The following STAG1 variants were observed in gnomAD, a reference collection of about 807,000 sequenced individuals.
The protein encoded by STAG1 is cohesin subunit SA-1.
In STAG1, 26 loss-of-function variants were observed where a neutral mutation model predicts 170.9. The observed-to-expected ratio is 0.15, with a 90% confidence interval of 0.11 to 0.21. STAG1 has a LOEUF of 0.21. Ranked by LOEUF, STAG1 falls within the 10% of genes least tolerant of loss-of-function variation. STAG1 has a pLI of 1.00. For missense variants in STAG1, 964 were observed against 1,509.5 expected, an observed-to-expected ratio of 0.64 and a Z score of 5.99; for synonymous variants, 514 against 497.7, an observed-to-expected ratio of 1.03 and a Z score of -0.44.
chr3:136,648,931 C>A (rs902898234), intron 1 of STAG1, among the ~76,000 whole-genome samples: 4 of 152,178 alleles, frequency 2.6e-5, no homozygotes, highest in Non-Finnish European at 5.9e-5. Context: ...TATTTAAAAT[C>A]TTTCAAATAA....
intron 5 of STAG1, among the ~76,000 whole-genome samples, chr3:136,560,485 A>T (rs1172024979): frequency 6.6e-6 from 1 of 152,214 alleles, no homozygotes; most frequent in East Asian, 1.9e-4. Flanking sequence ...TTCTCTCATA[A>T]CTTATTCCAA....
In STAG1 at chr3:136,343,234, G is replaced by A. The variant is rs183789102; in HGVS notation, c.3446+598C>T. ...AATAAGATTTTTATAAGCAAAACAC[G>A]CCATCACCCTCTGCCTTCTCTACAA... On this transcript the variant is annotated intron_variant, in intron 30 of 33. Coordinates refer to ENST00000383202, the MANE Select transcript of STAG1 (RefSeq NM_005862.3). Among the ~76,000 whole-genome samples the A allele has an allele frequency of 6.1e-3, 930 of 152,204 alleles. 12 individuals carry two copies. The highest frequency in any genetic ancestry group is 9.4e-3 in the Admixed American group (143 of 15,294).
intron 3 of STAG1, among the ~76,000 whole-genome samples, chr3:136,609,897 A>G (rs1405781332): frequency 1.3e-5 from 2 of 152,162 alleles, no homozygotes; most frequent in Non-Finnish European, 2.9e-5. Context: ...GATGGGGGTT[A>G]CTTTTCATAT....
chr3:136,715,004 A>ATT lies in STAG1; in HGVS notation c.-84+37190_-84+37191insAA, dbSNP rs1943498414. 4.0e-5 allele frequency among the ~76,000 whole-genome samples: 5 copies of ATT among 125,756 alleles called. No individual in the cohort carries two copies. The Admixed American group carries it at 4.4e-4, about 11-fold the overall frequency. 82.5% of individuals were successfully genotyped at this position (125,756 alleles called of 152,430 possible). ...TTTATATATATATTTTATATATATA[A>ATT]TATATATATAAAATATATATATAAA... On this transcript the variant is annotated intron_variant, in intron 1 of 33. Transcript: ENST00000383202.
At chr3:136,553,796 G>C (rs1024985462) in intron 5 of STAG1, among the ~76,000 whole-genome samples, 4 of 152,138 alleles carry the variant, frequency 2.6e-5, no homozygotes, top group African/African-American at 9.7e-5. Flanking sequence ...CAAAGAAGTA[G>C]AGAAAAGAAA....
chr3:136,387,320 T>C (rs960206432), intron 22 of STAG1, among the ~76,000 whole-genome samples: 3 of 152,206 alleles, frequency 2.0e-5, no homozygotes, highest in African/African-American at 7.2e-5. Context: ...CAGGTCAGAT[T>C]TGGCCCATGG....
chr3:136,548,919 C>T (rs1266142615), intron 5 of STAG1, among the ~76,000 whole-genome samples: 2 of 152,102 alleles, frequency 1.3e-5, no homozygotes, highest in Non-Finnish European at 2.9e-5. Context: ...AGTACCTCTC[C>T]TCCCTCTCTT....
chr3:136,452,062 T>A lies in STAG1; in HGVS notation c.1399A>T (p.Met467Leu). 1 of 1,612,638 alleles carries A rather than the reference T, an allele frequency of 6.2e-7. No individual in the cohort carries two copies. The highest frequency in any genetic ancestry group is 8.5e-7 in the Non-Finnish European group (1 of 1,179,290). Residue 467 changes from methionine to leucine, a missense_variant, in exon 14 of 34, where the codon ATG becomes TTG. Physicochemically the swap from Met to Leu is conservative, Grantham distance 15. Coordinates refer to ENST00000383202, the MANE Select transcript of STAG1 (RefSeq NM_005862.3). ...CTTTCAAGAAAGAAAAGAACCAGCA[T>A]CCTAATGAGGTTTCCATTCGGGCTG... is the stretch of plus-strand genomic sequence containing the variant. ...RNSPNGNLIR[M>L]LVLFFLESEL...
intron 1 of STAG1, among the ~76,000 whole-genome samples, chr3:136,714,963 ATTTTATATATATAT>A (rs1336934498): frequency 1.3e-4 from 8 of 61,716 alleles, no homozygotes; most frequent in South Asian, 5.0e-4. Flanking sequence ...ATATATATAT[ATTTTATATATATAT>A]TTTTATATAT....
Position 136,664,400 on chromosome 3 carries a change from A to T in STAG1, c.-83-33419T>A, listed in dbSNP as rs111518304. On this transcript the variant is annotated intron_variant, in intron 1 of 33. Transcript: ENST00000383202. ...TCTTGAGGTAGATGTTGAGACCTAA[A>T]AGTAAACAAGGGCAGCTCTTCAGAC... Among the ~76,000 whole-genome samples, 5 of 152,332 alleles carry T rather than the reference A, an allele frequency of 3.3e-5. 1 individual carries two copies. The highest frequency in any genetic ancestry group is 1.2e-4 in the African/African-American group (5 of 41,580).
At chr3:136,732,237 TAAAA>T (rs71134406) in intron 1 of STAG1, among the ~76,000 whole-genome samples, 3 of 85,758 alleles carry the variant, frequency 3.5e-5, no homozygotes, top group Non-Finnish European at 2.4e-5. Flanking sequence ...TATCCACAAC[TAAAA>T]AAAAAAAAAA....
chr3:136,396,813 AC>A (rs1274480217), intron 22 of STAG1, among the ~76,000 whole-genome samples: 3 of 152,162 alleles, frequency 2.0e-5, no homozygotes, highest in Non-Finnish European at 2.9e-5. Context: ...GGCGCGAGCC[AC>A]CGCACCAGGC....
intron 6 of STAG1, among the ~76,000 whole-genome samples, chr3:136,527,895 C>G (rs1362079280): frequency 6.6e-6 from 1 of 152,160 alleles, no homozygotes; most frequent in South Asian, 2.1e-4. Context: ...TGCTGCAGAA[C>G]AGTGAATATT....
rs559789027 is a variant in STAG1 at position 136,653,408 on chromosome 3, G to A, written c.-83-22427C>T. 5.8e-4 allele frequency among the ~76,000 whole-genome samples: 88 copies of A among 152,292 alleles called. 1 individual carries two copies. Among genetic ancestry groups the A allele is most frequent in the African/African-American group, 2.0e-3 (84 of 41,566 alleles). ...AATAGACAGCCATTACATTCTCTTGGATGGGGCAACTTAACTTAATTTCTC... is the reference window on the plus strand; with the variant it reads ...AATAGACAGCCATTACATTCTCTTGAATGGGGCAACTTAACTTAATTTCTC... On this transcript the variant is annotated intron_variant, in intron 1 of 33. Coordinates refer to ENST00000383202, the MANE Select transcript of STAG1 (RefSeq NM_005862.3).
At chr3:136,531,748 T>G (rs1576575993) in intron 6 of STAG1, among the ~76,000 whole-genome samples, 2 of 96,098 alleles carry the variant, frequency 2.1e-5, no homozygotes, top group Admixed American at 1.3e-4. Flanking sequence ...TATCACACTC[T>G]GGGGACTGTT....
At chr3:136,426,393 T>C (rs976728652) in intron 16 of STAG1, among the ~76,000 whole-genome samples, 3 of 151,766 alleles carry the variant, frequency 2.0e-5, no homozygotes, top group Non-Finnish European at 4.4e-5. Flanking sequence ...GCCTGGGCAA[T>C]AGCGAGACTC....
At chr3:136,386,462 C>T (rs1390940573) in intron 22 of STAG1, among the ~76,000 whole-genome samples, 1 of 152,092 alleles carries the variant, frequency 6.6e-6, no homozygotes, top group Non-Finnish European at 1.5e-5. Context: ...TAGAAAGAAG[C>T]TTTCCTAAAG....
rs1405318746 is a variant in STAG1 at position 136,337,067 on chromosome 3, T to C, written c.*1187A>G. The stretch of plus-strand genomic sequence containing the variant: ...GACTGTCCTGAAGATTCATAATTTC[T>C]TTCCCCAAAAGAATTATTCTTAATA... On this transcript the variant is annotated 3_prime_UTR_variant, in exon 34 of 34. Coordinates refer to ENST00000383202, the MANE Select transcript of STAG1 (RefSeq NM_005862.3). 4 of 152,654 alleles carry C rather than the reference T, an allele frequency of 2.6e-5. No individual in the cohort carries two copies. Among genetic ancestry groups the C allele is most frequent in the Non-Finnish European group, 5.9e-5 (4 of 68,042 alleles). The allele number at this position is 152,654 out of a possible 1,614,324, so 9.5% of individuals were successfully genotyped here. A position where few individuals can be genotyped will look rare whatever the true frequency, so the allele number is the denominator to read the frequency against.
intron 5 of STAG1, among the ~76,000 whole-genome samples, chr3:136,559,671 C>T (rs1324480361): frequency 6.6e-6 from 1 of 152,138 alleles, no homozygotes; most frequent in Non-Finnish European, 1.5e-5. Context: ...GAAAACAATA[C>T]AATATTTGAT....
Sources: allele counts gnomAD v4.1 joint callset (sites outside exome capture counted in the v4.1 genomes callset), GRCh38; gene constraint gnomAD v4.1.1; transcripts MANE v1.5; gene names NCBI Gene and HGNC (gene_info 2026-07-23, HGNC 2026-07-21).